ZNF800: variants seen among roughly 807,000 people sequenced by gnomAD.
ZNF800 encodes the protein zinc finger protein 800.
Under a neutral mutation model 59.5 loss-of-function variants are expected in ZNF800, and 13 were observed. The observed-to-expected ratio is 0.22, with a 90% CI of 0.14 to 0.35. The LOEUF is 0.35. Among genes scored for constraint, ZNF800 ranks in the 10% least tolerant of loss-of-function variants. The pLI is 1.00. For synonymous variants in ZNF800, 266 were observed against 265.7 expected (o/e 1.00, Z -0.01); for missense variants, 621 against 783.7 (o/e 0.79, Z 2.48).
At position 127,353,658 on chromosome 7, in the gene ZNF800, A is replaced by C. The variant is rs143697813; in HGVS notation, n.225-5615T>G. ...CAGAATTACTGACTAATTATCTAAC[A>C]TGAAGTTCAAATATAAGTACTCAAC... On this transcript the variant is annotated intron_variant and non_coding_transcript_variant, in intron 1 of 1. Coordinates refer to the ZNF800 transcript ENST00000485577. 9.8e-5 allele frequency among the ~76,000 whole-genome samples: 15 copies of C among 152,310 alleles called. No individual in the cohort carries two copies. In the East Asian group the frequency reaches 2.9e-3, roughly 29 times the overall value.
Position 127,374,080 on chromosome 7 carries a change from G to A in ZNF800, c.1256C>T (p.Ser419Leu). ...TGGAGAATGGGTAATGGAAGGGGGT[G>A]AAGATTCTACAGAATCTGCTGGTTC... ...KVEPADSVES[S>L]PPSITHSPQN... The change falls in exon 5 of 6, where the codon TCA (serine) becomes TTA (leucine). Residue 419 changes from serine to leucine, a missense_variant. Transcript: ENST00000265827. 1 of 1,614,086 alleles carries A rather than the reference G, an allele frequency of 6.2e-7. No individual in the cohort carries two copies.
chr7:127,386,122 A>G lies in ZNF800; in HGVS notation c.95T>C (p.Leu32Ser). The change falls in exon 3 of 6, where the codon TTA (leucine) becomes TCA (serine). Residue 32 changes from leucine to serine, a missense_variant. Physicochemically the swap from Leu to Ser is moderately radical, Grantham distance 145 (BLOSUM62 -2). Around this residue, in one of 7 missense-constraint regions of ZNF800, gnomAD observed 57 missense variants for 77.1 expected, o/e 0.74. Transcript: ENST00000265827. Reference protein sequence around the residue: ...YILEPGDPPLLQQPLQTSKSG... With the variant: ...YILEPGDPPLSQQPLQTSKSG... ...TTTGGATGTCTGTAGTGGTTGCTGT[A>G]ACAAAGGAGGATCTCCAGGTTCCAG... is the stretch of plus-strand genomic sequence containing the variant. The G allele has an allele frequency of 1.2e-6, 2 of 1,611,752 alleles. No individual in the cohort carries two copies. Among genetic ancestry groups the G allele is most frequent in the Non-Finnish European group, 1.7e-6 (2 of 1,178,568 alleles).
At chr7:127,385,726 C>A (rs891293725) in intron 3 of ZNF800, among the ~76,000 whole-genome samples, 6 of 152,078 alleles carry the variant, frequency 3.9e-5, no homozygotes, top group African/African-American at 1.4e-4. Flanking sequence ...GAATAATTTA[C>A]TGCCTTTTGA....
chr7:127,372,153 A>C (rs1800648940), intron 5 of ZNF800, among the ~76,000 whole-genome samples: 1 of 152,182 alleles, frequency 6.6e-6, no homozygotes, highest in Non-Finnish European at 1.5e-5. Flanking sequence ...TTTTTTAAAA[A>C]TCTACATTTG....
chr7:127,356,794 T>TA (rs770404920), intron 1 of ZNF800, among the ~76,000 whole-genome samples: 9 of 151,974 alleles, frequency 5.9e-5, no homozygotes, highest in Non-Finnish European at 1.2e-4. Flanking sequence ...TTTTTTACTC[T>TA]AGATCATAAG....
intron 1 of ZNF800, among the ~76,000 whole-genome samples, chr7:127,349,234 A>T (rs1800128097): frequency 6.6e-6 from 1 of 152,228 alleles, no homozygotes; most frequent in Middle Eastern, 3.2e-3. Context: ...ATTGAATGGG[A>T]TCAAAACTAA....
At chr7:127,390,343 G>T (rs1347272307) in intron 2 of ZNF800, among the ~76,000 whole-genome samples, 1 of 152,162 alleles carries the variant, frequency 6.6e-6, no homozygotes, top group African/African-American at 2.4e-5. Context: ...AAGTTAAACA[G>T]GTCAAGAGCA....
chr7:127,343,091 C>G (rs1158700854), downstream of ZNF800, among the ~76,000 whole-genome samples: 1 of 151,376 alleles, frequency 6.6e-6, no homozygotes, highest in Admixed American at 6.6e-5. Flanking sequence ...AAAGCTGTGC[C>G]CAAAGGCAAA....
At chr7:127,387,334 T>C (rs1158407752) in intron 2 of ZNF800, among the ~76,000 whole-genome samples, 2 of 152,170 alleles carry the variant, frequency 1.3e-5, no homozygotes, top group Non-Finnish European at 2.9e-5. Context: ...ACCCACTTAG[T>C]GTGAGGAGAA....
In ZNF800 at chr7:127,371,690, T is replaced by C. The variant is rs1800635723; in HGVS notation, c.*124A>G. On this transcript the variant is annotated 3_prime_UTR_variant, in exon 6 of 6. Transcript: ENST00000265827. ...GAAAACAGCAGTTATAGTTGAATAT[T>C]TAGAAAAATGTTTTTCTTTTTTTCC... The C allele has an allele frequency of 1.7e-6, 1 of 580,478 alleles. No homozygotes were observed. The allele number at this position is 580,478 out of a possible 1,614,324, so 36.0% of individuals were successfully genotyped here.
chr7:127,359,757 T>A (rs904370157), intron 1 of ZNF800: 12 of 152,164 alleles, frequency 7.9e-5, no homozygotes, highest in African/African-American at 2.9e-4. Flanking sequence ...ATTTATCTGA[T>A]GGTCATTGGA....
At chr7:127,379,860 C>CCCCCA (rs1562907529) in intron 3 of ZNF800, among the ~76,000 whole-genome samples, 2 of 73,856 alleles carry the variant, frequency 2.7e-5, no homozygotes, top group East Asian at 9.0e-4. Context: ...CCACCCCCCC[C>CCCCCA]ACACACACAC....
At chr7:127,353,469 G>T (rs999912301) in intron 1 of ZNF800, among the ~76,000 whole-genome samples, 2 of 152,114 alleles carry the variant, frequency 1.3e-5, no homozygotes, top group African/African-American at 4.8e-5. Context: ...GATCTTACTT[G>T]TTCAACAACT....
chr7:127,369,388 C>G (rs1176312179), downstream of ZNF800, among the ~76,000 whole-genome samples: 1 of 152,084 alleles, frequency 6.6e-6, no homozygotes, highest in Non-Finnish European at 1.5e-5. Flanking sequence ...GTTTATGTAG[C>G]CTACATGCAG....
At chr7:127,361,296 G>A (rs542547151) in intron 1 of ZNF800, 129 of 152,224 alleles carry the variant, frequency 8.5e-4, no homozygotes, top group African/African-American at 3.1e-3. Flanking sequence ...ATCACTCTAA[G>A]GCCAGGTGTG....
At chr7:127,372,697 C>T (rs1800665755) in intron 5 of ZNF800, 1 of 985,092 alleles carries the variant, frequency 1.0e-6, no homozygotes, top group African/African-American at 1.7e-5. Context: ...CTAACACACA[C>T]TCCCAAGGAG....
chr7:127,353,435 T>A (rs149385915), intron 1 of ZNF800, among the ~76,000 whole-genome samples: 9 of 152,312 alleles, frequency 5.9e-5, no homozygotes, highest in African/African-American at 2.2e-4. Context: ...AAAGCTGTGC[T>A]AAAGCTATGA....
downstream of ZNF800, among the ~76,000 whole-genome samples, chr7:127,365,635 A>G (rs1450224669): frequency 6.6e-6 from 1 of 152,162 alleles, no homozygotes. Flanking sequence ...AAGAAACAAA[A>G]TAATATCATA....
intron 3 of ZNF800, among the ~76,000 whole-genome samples, chr7:127,380,439 C>A (rs1002442690): frequency 6.6e-6 from 1 of 152,138 alleles, no homozygotes; most frequent in Non-Finnish European, 1.5e-5. Context: ...TTTAATTCCA[C>A]TTACATAGTT....
Sources: allele counts gnomAD v4.1 joint callset (sites outside exome capture counted in the v4.1 genomes callset), GRCh38; gene constraint gnomAD v4.1.1; regional missense constraint gnomAD v4.1.1; transcripts MANE v1.5; gene names NCBI Gene and HGNC (gene_info 2026-07-23, HGNC 2026-07-21).